COL4A6: variants seen among roughly 807,000 people sequenced by gnomAD.
The protein encoded by COL4A6 is collagen type IV alpha 6 chain.
Under a neutral mutation model 126.7 loss-of-function variants are expected in COL4A6, and 59 were observed. That is an observed-to-expected ratio of 0.47 (90% CI 0.38 to 0.58). The LOEUF (loss-of-function observed/expected upper bound fraction) is 0.58, where lower values mean the gene tolerates loss of function less well. Among genes scored for constraint, COL4A6 ranks in the 20% least tolerant of loss-of-function variants. The pLI, the probability that COL4A6 is intolerant of heterozygous loss-of-function variation, is 0.00. For synonymous variants in COL4A6, 547 were observed against 496.6 expected (o/e 1.10, Z -1.35); for missense variants, 1,285 against 1,337.3 (o/e 0.96, Z 0.61).
At chrX:108,231,067 C>A in intron 3 of COL4A6, among the ~76,000 whole-genome samples, 1 of 105,108 alleles carries the variant, frequency 9.5e-6, no homozygotes, top group Non-Finnish European at 1.9e-5. Context: ...AGAGCAGTGA[C>A]CCTTTCCATC....
At chrX:108,209,403 T>C (rs1186472786) in intron 8 of COL4A6, among the ~76,000 whole-genome samples, 11 of 110,567 alleles carry the variant, frequency 9.9e-5, no homozygotes, top group Non-Finnish European at 1.9e-4. Flanking sequence ...TGAAAAAAGA[T>C]AGAGCGAAGA....
intron 37 of COL4A6, among the ~76,000 whole-genome samples, chrX:108,168,861 C>T (rs768536983): frequency 1.8e-5 from 2 of 111,375 alleles, no homozygotes; most frequent in Admixed American, 9.5e-5. Context: ...GGAATGTACA[C>T]GGGTTTTTGG....
intron 3 of COL4A6, among the ~76,000 whole-genome samples, chrX:108,282,607 G>C (rs2037874129): frequency 9.1e-6 from 1 of 110,164 alleles, no homozygotes; most frequent in Non-Finnish European, 1.9e-5. Context: ...CAGGGATCTA[G>C]AACTAGAAAT....
At chrX:108,303,299 A>G (rs1004058991) in intron 3 of COL4A6, among the ~76,000 whole-genome samples, 2 of 110,925 alleles carry the variant, frequency 1.8e-5, no homozygotes, top group African/African-American at 6.6e-5. Flanking sequence ...GGAAGTCTTG[A>G]GGGAGAAAAG....
chrX:108,384,555 A>T (rs1450134545), intron 2 of COL4A6, among the ~76,000 whole-genome samples: 1 of 111,904 alleles, frequency 8.9e-6, no homozygotes, highest in East Asian at 2.8e-4. Context: ...CATGAGAGGG[A>T]TACACACTGT....
At chrX:108,317,418 G>A (rs1015048749) in intron 2 of COL4A6, among the ~76,000 whole-genome samples, 1 of 112,190 alleles carries the variant, frequency 8.9e-6, no homozygotes, top group African/African-American at 3.2e-5. Context: ...CAAGGAAGAT[G>A]CCTTAGTCAG....
chrX:108,343,165 A>ATATAGTGT lies in COL4A6; in HGVS notation c.64-32338_64-32337insACACTATA, dbSNP rs1377817612. On this transcript the variant is annotated intron_variant, in intron 2 of 44. Transcript: ENST00000334504. ...TATATATATATATATATATATATATAGTGTGTGTGTGTGTGTGTGTGTGTG... is the reference window on the plus strand; with the variant it reads ...TATATATATATATATATATATATATATATAGTGTGTGTGTGTGTGTGTGTGTGTGTGTG... 3.9e-3 allele frequency among the ~76,000 whole-genome samples: 121 copies of ATATAGTGT among 31,365 alleles called. 1 individual carries two copies. The highest frequency in any genetic ancestry group is 9.8e-3 in the African/African-American group (108 of 10,988). 27.2% of individuals were successfully genotyped at this position (31,365 alleles called of 115,157 possible).
At position 108,191,552 on chromosome X, in the gene COL4A6, A is replaced by T; in HGVS notation, c.1181-19T>A. ...GGGACACCTGGAAGAATAAGCCCAC[A>T]CACAAATGCTCATTATATCACCTTA... On this transcript the variant is annotated intron_variant, in intron 18 of 44. Transcript: ENST00000334504. The T allele has an allele frequency of 1.7e-6, 2 of 1,201,483 alleles. No individual in the cohort carries two copies. Among genetic ancestry groups the T allele is most frequent in the South Asian group, 3.6e-5 (2 of 54,984 alleles).
chrX:108,273,680 A>G (rs1018746524), intron 3 of COL4A6, among the ~76,000 whole-genome samples: 4 of 112,200 alleles, frequency 3.6e-5, no homozygotes, highest in Non-Finnish European at 7.5e-5. Context: ...TGTCCTTTGT[A>G]GGGACATGGA....
intron 3 of COL4A6, among the ~76,000 whole-genome samples, chrX:108,300,634 C>T (rs1343301205): frequency 9.1e-6 from 1 of 110,115 alleles, no homozygotes; most frequent in Non-Finnish European, 1.9e-5. Flanking sequence ...AGCTTAATTA[C>T]TACAGACCAT....
At chrX:108,192,670 C>A in intron 17 of COL4A6, 90 bp from the exon 18 acceptor site, 1 of 591,931 alleles carries the variant, frequency 1.7e-6, no homozygotes, top group Non-Finnish European at 2.7e-6. Context: ...AGGAGCTGTC[C>A]TGGCATTAGA....
chrX:108,296,075 G>T (rs1009700786), intron 3 of COL4A6, among the ~76,000 whole-genome samples: 1 of 112,143 alleles, frequency 8.9e-6, no homozygotes, highest in African/African-American at 3.2e-5. Flanking sequence ...TTTCTCTAAT[G>T]ACTATCCCTA....
intron 2 of COL4A6, among the ~76,000 whole-genome samples, chrX:108,402,623 CA>C (rs1169743545): frequency 9.0e-6 from 1 of 110,863 alleles, no homozygotes; most frequent in African/African-American, 3.3e-5. Context: ...GAATAACATA[CA>C]TTTTTCCATG....
intron 5 of COL4A6, among the ~76,000 whole-genome samples, chrX:108,219,473 C>T (rs1602844300): frequency 8.9e-6 from 1 of 111,818 alleles, no homozygotes; most frequent in East Asian, 2.8e-4. Flanking sequence ...GATGTTATGG[C>T]TACACAGGTC....
chrX:108,351,436 CTCTCTCTGTGTGTG>C (rs1295719406), intron 2 of COL4A6, among the ~76,000 whole-genome samples: 2 of 82,245 alleles, frequency 2.4e-5, no homozygotes, highest in Admixed American at 1.7e-4. Flanking sequence ...AGGTAACTCT[CTCTCTCTGTGTGTG>C]TGTGTGTGTG....
At chrX:108,329,839 G>A (rs2147969170) in intron 2 of COL4A6, among the ~76,000 whole-genome samples, 1 of 111,089 alleles carries the variant, frequency 9.0e-6, no homozygotes, top group South Asian at 3.9e-4. Context: ...GAACCTTTGT[G>A]GGAAGGGAAG....
At chrX:108,235,227 A>G (rs1441919074) in intron 3 of COL4A6, among the ~76,000 whole-genome samples, 2 of 111,624 alleles carry the variant, frequency 1.8e-5, no homozygotes, top group Admixed American at 9.5e-5. Context: ...CAATGTGGAA[A>G]TAGCTGATCT....
At chrX:108,164,306 C>G (rs748901039) in intron 40 of COL4A6, among the ~76,000 whole-genome samples, 2 of 111,184 alleles carry the variant, frequency 1.8e-5, no homozygotes, top group African/African-American at 3.3e-5. Flanking sequence ...ATTGAGCAAA[C>G]GGGTGGGTGG....
At chrX:108,199,566 A>G (rs765925715) in intron 13 of COL4A6, among the ~76,000 whole-genome samples, 53 of 111,811 alleles carry the variant, frequency 4.7e-4, no homozygotes, top group Non-Finnish European at 8.1e-4. Flanking sequence ...TGTCTTTACA[A>G]TCAACTGGGG....
Sources: allele counts gnomAD v4.1 joint callset (sites outside exome capture counted in the v4.1 genomes callset), GRCh38; gene constraint gnomAD v4.1.1; transcripts MANE v1.5; gene names NCBI Gene and HGNC (gene_info 2026-07-23, HGNC 2026-07-21).